GATAD2A: variants seen among roughly 807,000 people sequenced by gnomAD.
GATAD2A encodes the protein GATA zinc finger domain containing 2A, also known as transcriptional repressor p66-alpha.
Under a neutral mutation model 68.5 loss-of-function variants are expected in GATAD2A, and 12 were observed. That is an observed-to-expected ratio of 0.18 (90% CI 0.11 to 0.28). The LOEUF (loss-of-function observed/expected upper bound fraction) is 0.28, where lower values mean the gene tolerates loss of function less well. Among genes scored for constraint, GATAD2A ranks in the 10% least tolerant of loss-of-function variants. The probability of loss-of-function intolerance (pLI) is 1.00; values close to 1 mark genes in which losing one functional copy is unlikely to be tolerated. For synonymous variants in GATAD2A, 410 were observed against 375.3 expected (o/e 1.09, Z -1.07); for missense variants, 755 against 868.5 (o/e 0.87, Z 1.64).
intron 1 of GATAD2A, among the ~76,000 whole-genome samples, chr19:19,456,354 C>G (rs1369008573): frequency 6.6e-6 from 1 of 152,134 alleles, no homozygotes; most frequent in Admixed American, 6.6e-5. Flanking sequence ...CAGACAGCCT[C>G]CCTCCAGCAG....
chr19:19,482,727 T>C (rs1010950166), intron 2 of GATAD2A, among the ~76,000 whole-genome samples: 5 of 152,240 alleles, frequency 3.3e-5, no homozygotes, highest in African/African-American at 4.8e-5. Flanking sequence ...AGGTGTTTAC[T>C]GGGTTTTTGA....
At chr19:19,478,664 T>C (rs2058840225) in intron 2 of GATAD2A, among the ~76,000 whole-genome samples, 2 of 151,310 alleles carry the variant, frequency 1.3e-5, no homozygotes, top group Non-Finnish European at 2.9e-5. Context: ...TCCAAAAAAA[T>C]TGCAGAGTGG....
intron 1 of GATAD2A, chr19:19,465,019 C>T (rs1216934917): frequency 4.7e-6 from 2 of 423,760 alleles, no homozygotes; most frequent in East Asian, 4.4e-5. Flanking sequence ...TGAGCCTTTC[C>T]TTGCTGATAA....
At chr19:19,434,980 T>TG in intron 1 of GATAD2A, 1 of 389,472 alleles carries the variant, frequency 2.6e-6, no homozygotes, top group South Asian at 1.9e-5. Context: ...TGGTGGCTGG[T>TG]TTCCCTGGGG....
chr19:19,414,654 A>G (rs911056062), intron 1 of GATAD2A, among the ~76,000 whole-genome samples: 17 of 142,514 alleles, frequency 1.2e-4, no homozygotes, highest in Non-Finnish European at 2.1e-4. Context: ...CTTGTGCCTC[A>G]TCCTCCCAAG....
intron 1 of GATAD2A, among the ~76,000 whole-genome samples, chr19:19,457,484 T>A (rs2057037925): frequency 6.6e-6 from 1 of 152,128 alleles, no homozygotes; most frequent in South Asian, 2.1e-4. Flanking sequence ...CTCACGCCTG[T>A]AATCCTAGCA....
chr19:19,498,962 C>T (rs995411770), intron 8 of GATAD2A, among the ~76,000 whole-genome samples: 7 of 152,186 alleles, frequency 4.6e-5, no homozygotes, highest in African/African-American at 1.7e-4. Context: ...GCAGTAGTGG[C>T]CTCCGTGACG....
chr19:19,491,681 A>G lies in GATAD2A; in HGVS notation c.270-625A>G, dbSNP rs142363782. Among the ~76,000 whole-genome samples the G allele has an allele frequency of 6.5e-4, 99 of 152,350 alleles. 1 individual carries two copies. Among genetic ancestry groups the G allele is most frequent in the African/African-American group, 2.2e-3 (92 of 41,584 alleles). On this transcript the variant is annotated intron_variant, in intron 2 of 11. Coordinates refer to ENST00000683918, the MANE Select transcript of GATAD2A (RefSeq NM_001384528.1). ...CGCCATGTGGGGCCCAAGAAGGGCC[A>G]TCTAGCACCTGGTGCCACCTTGTGA...
At chr19:19,497,398 C>T (rs1396354011) in intron 7 of GATAD2A, among the ~76,000 whole-genome samples, 1 of 152,244 alleles carries the variant, frequency 6.6e-6, no homozygotes, top group Non-Finnish European at 1.5e-5. Context: ...ATCCTGCCCA[C>T]CCGTGAACTT....
chr19:19,452,075 A>G (rs542624479), intron 1 of GATAD2A, among the ~76,000 whole-genome samples: 3 of 152,358 alleles, frequency 2.0e-5, no homozygotes, highest in Admixed American at 6.5e-5. Context: ...GTGCATGCGT[A>G]TGAGTGTGAG....
chr19:19,405,624 A>AG (rs199571047), upstream of GATAD2A, among the ~76,000 whole-genome samples: 1 of 149,676 alleles, frequency 6.7e-6, no homozygotes, highest in Non-Finnish European at 1.5e-5. Flanking sequence ...TACGCCTGGA[A>AG]CCCCGCCCAC....
At chr19:19,397,726 A>G (rs1239495491) in intron 1 of GATAD2A, among the ~76,000 whole-genome samples, 4 of 150,714 alleles carry the variant, frequency 2.7e-5, no homozygotes, top group Non-Finnish European at 4.4e-5. Context: ...TTCTTAATAC[A>G]TCAGAACAGT....
At chr19:19,494,651 C>T (rs1165680761) in intron 5 of GATAD2A, among the ~76,000 whole-genome samples, 1 of 152,232 alleles carries the variant, frequency 6.6e-6, no homozygotes, top group Non-Finnish European at 1.5e-5. Flanking sequence ...CCAGTGAGCG[C>T]CCCTAGCAAG....
At chr19:19,414,836 CCTTTTTT>C (rs1393701547) in intron 1 of GATAD2A, among the ~76,000 whole-genome samples, 1 of 127,400 alleles carries the variant, frequency 7.8e-6, no homozygotes, top group Non-Finnish European at 1.6e-5. Flanking sequence ...CACCCTGCCC[CCTTTTTT>C]TTTTTTTTTT....
chr19:19,441,159 C>T (rs1224355554), intron 1 of GATAD2A, among the ~76,000 whole-genome samples: 2 of 151,824 alleles, frequency 1.3e-5, no homozygotes, highest in African/African-American at 4.8e-5. Context: ...TCTCCTGCTT[C>T]AGCCTCCCGA....
chr19:19,437,233 G>T (rs936916427), intron 1 of GATAD2A, among the ~76,000 whole-genome samples: 1 of 152,098 alleles, frequency 6.6e-6, no homozygotes, highest in Admixed American at 6.6e-5. Flanking sequence ...GGGCTCAAGC[G>T]ATCCTCCCCG....
intron 1 of GATAD2A, among the ~76,000 whole-genome samples, chr19:19,408,407 G>T (rs183900324): frequency 1.6e-4 from 24 of 152,312 alleles, no homozygotes; most frequent in Admixed American, 3.3e-4. Context: ...AAAATATAAT[G>T]CTACTTTCGG....
chr19:19,408,691 C>T (rs1369019810), intron 1 of GATAD2A, among the ~76,000 whole-genome samples: 1 of 152,214 alleles, frequency 6.6e-6, no homozygotes, highest in Admixed American at 6.5e-5. Context: ...AGAGTGCATA[C>T]TGTGCCTTCG....
At chr19:19,401,361 G>C (rs573607970), upstream of GATAD2A, among the ~76,000 whole-genome samples, 1 of 151,488 alleles carries the variant, frequency 6.6e-6, no homozygotes, top group African/African-American at 2.4e-5. Context: ...CTACAGGCGC[G>C]TGCCACCATG....
Sources: allele counts gnomAD v4.1 joint callset (sites outside exome capture counted in the v4.1 genomes callset), GRCh38; gene constraint gnomAD v4.1.1; transcripts MANE v1.5; gene names NCBI Gene and HGNC (gene_info 2026-07-23, HGNC 2026-07-21).